SOX6: variants seen among roughly 807,000 people sequenced by gnomAD.
The protein encoded by SOX6 is transcription factor SOX-6.
In SOX6, 11 loss-of-function variants were observed where a neutral mutation model predicts 97.8. The observed-to-expected ratio is 0.11, with a 90% CI of 0.07 to 0.19. The LOEUF (loss-of-function observed/expected upper bound fraction) is 0.19, where lower values mean the gene tolerates loss of function less well. Ranked by LOEUF, SOX6 falls within the 10% of genes least tolerant of loss-of-function variation. The pLI, the probability that SOX6 is intolerant of heterozygous loss-of-function variation, is 1.00. For synonymous variants in SOX6, 360 were observed against 371.4 expected (o/e 0.97, Z 0.35); for missense variants, 810 against 1,039.5 (o/e 0.78, Z 3.04).
chr11:15,990,922 T>C (rs1330206825), intron 13 of SOX6, among the ~76,000 whole-genome samples: 2 of 152,216 alleles, frequency 1.3e-5, no homozygotes, highest in African/African-American at 4.8e-5. Flanking sequence ...CTTGGTTAAG[T>C]AGACATTTGT....
chr11:16,473,999 A>T (rs1045883249), intron 1 of SOX6, among the ~76,000 whole-genome samples: 1 of 152,202 alleles, frequency 6.6e-6, no homozygotes, highest in African/African-American at 2.4e-5. Flanking sequence ...TTGTCATTTA[A>T]ACAATGTTTA....
chr11:16,560,648 C>CGTACATATATGTTTATAT (rs1847804980), intron 4 of SOX6, among the ~76,000 whole-genome samples: 1 of 142,898 alleles, frequency 7.0e-6, no homozygotes, highest in African/African-American at 3.0e-5. Context: ...TATGTTTATA[C>CGTACATATATGTTTATAT]GAAAATGTAT....
At chr11:16,222,199 C>T (rs1273474723) in intron 4 of SOX6, among the ~76,000 whole-genome samples, 1 of 152,092 alleles carries the variant, frequency 6.6e-6, no homozygotes, top group Admixed American at 6.6e-5. Context: ...ACTCTTCTCA[C>T]TAATTTGTTT....
intron 9 of SOX6, among the ~76,000 whole-genome samples, chr11:16,057,864 C>A (rs1294464077): frequency 6.6e-6 from 1 of 152,094 alleles, no homozygotes; most frequent in African/African-American, 2.4e-5. Context: ...CACTATTTTG[C>A]TTCCTGATAC....
At chr11:16,346,429 A>T (rs765943298) in intron 1 of SOX6, among the ~76,000 whole-genome samples, 7 of 152,018 alleles carry the variant, frequency 4.6e-5, no homozygotes, top group Admixed American at 3.9e-4. Context: ...GGCATGGTAC[A>T]TCCTAATTCT....
intron 3 of SOX6, among the ~76,000 whole-genome samples, chr11:16,258,320 C>G (rs1853759267): frequency 6.6e-6 from 1 of 151,432 alleles, no homozygotes; most frequent in Non-Finnish European, 1.5e-5. Context: ...TGTCTTTCAG[C>G]AGGTGAGTGG....
intron 3 of SOX6, among the ~76,000 whole-genome samples, chr11:16,284,262 A>C (rs1254435470): frequency 1.3e-5 from 2 of 152,134 alleles, no homozygotes; most frequent in East Asian, 3.9e-4. Flanking sequence ...GCTACTGAAC[A>C]TAATTTAGTT....
At chr11:15,975,831 G>GA (rs59943327) in intron 15 of SOX6, among the ~76,000 whole-genome samples, 64,777 of 152,012 alleles carry the variant, frequency 0.43, 14,006 homozygotes, top group African/African-American at 0.46. Context: ...CACACTATCA[G>GA]AAAAAACTTA....
chr11:16,171,235 G>A (rs1851027843), intron 6 of SOX6, among the ~76,000 whole-genome samples: 1 of 151,942 alleles, frequency 6.6e-6, no homozygotes, highest in South Asian at 2.1e-4. Context: ...ACCCTACTCA[G>A]CAGGGGGAGA....
At chr11:16,415,070 T>C (rs1483212804) in intron 1 of SOX6, among the ~76,000 whole-genome samples, 2 of 152,132 alleles carry the variant, frequency 1.3e-5, no homozygotes, top group African/African-American at 2.4e-5. Context: ...CCAAGATACA[T>C]GTTCTTTTTT....
chr11:16,111,957 G>A (rs1849241243), intron 6 of SOX6, 34 bp from the exon 7 acceptor site: 2 of 1,611,244 alleles, frequency 1.2e-6, no homozygotes, highest in African/African-American at 1.3e-5. Flanking sequence ...GATCAGACAG[G>A]GAGCAAATGT....
intron 3 of SOX6, among the ~76,000 whole-genome samples, chr11:16,651,218 C>G (rs1163999812): frequency 6.6e-6 from 1 of 151,782 alleles, no homozygotes; most frequent in Non-Finnish European, 1.5e-5. Context: ...CCAACCTTAC[C>G]GAAACTATTC....
intron 1 of SOX6, among the ~76,000 whole-genome samples, chr11:16,412,864 G>A (rs1209777294): frequency 6.6e-6 from 1 of 152,136 alleles, no homozygotes; most frequent in Non-Finnish European, 1.5e-5. Flanking sequence ...TCCCAGGATT[G>A]AGTCTCACTG....
At chr11:16,364,172 G>T (rs1565114208) in intron 1 of SOX6, among the ~76,000 whole-genome samples, 1 of 152,078 alleles carries the variant, frequency 6.6e-6, no homozygotes, top group Non-Finnish European at 1.5e-5. Flanking sequence ...TAAAAAATTT[G>T]TAACAGCTTC....
chr11:16,611,559 T>C (rs1175919513), intron 4 of SOX6, among the ~76,000 whole-genome samples: 1 of 152,166 alleles, frequency 6.6e-6, no homozygotes, highest in Non-Finnish European at 1.5e-5. Context: ...TTAAACGGGA[T>C]AACAAATAAA....
At chr11:16,189,377 A>G (rs920896012) in intron 4 of SOX6, among the ~76,000 whole-genome samples, 16 of 151,984 alleles carry the variant, frequency 1.1e-4, no homozygotes, top group African/African-American at 3.4e-4. Context: ...GAGCTTTTCC[A>G]AAAAAGAAAA....
intron 13 of SOX6, among the ~76,000 whole-genome samples, chr11:15,994,823 A>G (rs1308778250): frequency 2.0e-5 from 3 of 152,208 alleles, no homozygotes; most frequent in Non-Finnish European, 2.9e-5. Flanking sequence ...GTCCTCCAAT[A>G]GATAATAAAT....
intron 6 of SOX6, among the ~76,000 whole-genome samples, chr11:16,119,440 T>G (rs10500824): frequency 0.093 from 14,201 of 152,222 alleles, 1,347 homozygotes; most frequent in East Asian, 0.37. Flanking sequence ...AACTTCTCTT[T>G]GTTGGCCACA....
At chr11:16,010,122 A>G (rs1854668474) in intron 13 of SOX6, among the ~76,000 whole-genome samples, 1 of 134,914 alleles carries the variant, frequency 7.4e-6, no homozygotes. Context: ...AAGCAGTTGG[A>G]GCTACACACA....
Sources: allele counts gnomAD v4.1 joint callset (sites outside exome capture counted in the v4.1 genomes callset), GRCh38; gene constraint gnomAD v4.1.1; transcripts MANE v1.5; gene names NCBI Gene and HGNC (gene_info 2026-07-23, HGNC 2026-07-21).